Variants in SERPING1 observed in about 807,000 individuals in gnomAD.
The protein encoded by SERPING1 is plasma protease C1 inhibitor.
Under a neutral mutation model 34.1 loss-of-function variants are expected in SERPING1, and 5 were observed. The ratio of observed to expected loss-of-function variants is 0.15; its 90% confidence interval spans 0.08 to 0.31. The LOEUF is 0.31. Among genes scored for constraint, SERPING1 ranks in the 10% least tolerant of loss-of-function variants. The pLI, the probability that SERPING1 is intolerant of heterozygous loss-of-function variation, is 1.00. For synonymous variants in SERPING1, 225 were observed against 242.4 expected (o/e 0.93, Z 0.67); for missense variants, 505 against 609.5 (o/e 0.83, Z 1.81).
intron 4 of SERPING1, among the ~76,000 whole-genome samples, chr11:57,605,404 T>G (rs922028655): frequency 3.3e-5 from 5 of 152,020 alleles, no homozygotes; most frequent in African/African-American, 1.2e-4. Flanking sequence ...ATTCAAGTGA[T>G]TCTCCTGCCT....
At chr11:57,600,419 A>G (rs748204004) in intron 3 of SERPING1, 42 bp downstream of exon 3, 1 of 1,609,096 alleles carries the variant, frequency 6.2e-7, no homozygotes, top group Admixed American at 1.7e-5. Flanking sequence ...TTTGTTGGAC[A>G]CTCCCATAAG....
intron 4 of SERPING1, among the ~76,000 whole-genome samples, chr11:57,605,423 C>T (rs1181718251): frequency 1.3e-5 from 2 of 151,954 alleles, no homozygotes; most frequent in Non-Finnish European, 2.9e-5. Context: ...CTCAGCCTCC[C>T]GAATAGCTGG....
chr11:57,603,442 G>A (rs1945372947), intron 4 of SERPING1, among the ~76,000 whole-genome samples: 1 of 151,846 alleles, frequency 6.6e-6, no homozygotes, highest in African/African-American at 2.4e-5. Context: ...AGCTACTCAG[G>A]AGGCTGAGGC....
chr11:57,610,526 C>G (rs949547309), intron 6 of SERPING1, among the ~76,000 whole-genome samples: 2 of 152,240 alleles, frequency 1.3e-5, no homozygotes, highest in African/African-American at 4.8e-5. Context: ...CAGGTTCCGA[C>G]AATTGATTGC....
rs368219817 is a variant in SERPING1 at position 57,612,028 on chromosome 11, T to C, written c.1249+92T>C. On this transcript the variant is annotated intron_variant, in intron 7 of 7. Coordinates refer to ENST00000278407, the MANE Select transcript of SERPING1 (RefSeq NM_000062.3). ...AGTTAGCATTCTCTAGAGTATTTTT[T>C]ACATCCATAATCTCAGTTTGTCCTG... 4.6e-6 allele frequency: 5 copies of C among 1,085,036 alleles called. No homozygotes were observed. The African/African-American group carries it at 4.7e-5, about 10-fold the overall frequency. 67.2% of individuals were successfully genotyped at this position (1,085,036 alleles called of 1,614,324 possible).
rs1188764424 is a variant in SERPING1, at chr11:57,599,932, G to C, written c.105G>C (p.Glu35Asp). ...CCAGCTCCAGCTCCCAGGATCCAGA[G>C]AGTTTGCAAGACAGAGGCGAAGGGA... is the stretch of plus-strand genomic sequence containing the variant. Reference protein sequence around the residue: ...NATSSSSQDPESLQDRGEGKV... With the variant: ...NATSSSSQDPDSLQDRGEGKV... The change falls in exon 3 of 8, where the codon GAG becomes GAC. Residue 35 changes from glutamate to aspartate, a missense_variant. Coordinates refer to ENST00000278407, the MANE Select transcript of SERPING1 (RefSeq NM_000062.3). The C allele has an allele frequency of 6.2e-7, 1 of 1,614,054 alleles. No individual in the cohort carries two copies. Among genetic ancestry groups the C allele is most frequent in the Non-Finnish European group, 8.5e-7 (1 of 1,180,058 alleles).
At chr11:57,606,892 G>A (rs186625429) in intron 6 of SERPING1, 2 of 550,330 alleles carry the variant, frequency 3.6e-6, no homozygotes, top group Admixed American at 2.2e-5. Flanking sequence ...GTGTATGTGG[G>A]TACCTGTGTA....
At chr11:57,599,235 G>A (rs990496103) in intron 2 of SERPING1, among the ~76,000 whole-genome samples, 1 of 152,054 alleles carries the variant, frequency 6.6e-6, no homozygotes, top group Non-Finnish European at 1.5e-5. Context: ...ACTAGATTCC[G>A]GTAGCATCTT....
At chr11:57,605,955 A>G (rs1294390015) in intron 4 of SERPING1, 55 bp from the exon 5 acceptor site, 13 of 1,491,832 alleles carry the variant, frequency 8.7e-6, no homozygotes, top group Non-Finnish European at 1.1e-5. Context: ...AATCGTGCTC[A>G]TGGAAAGAAC....
intron 6 of SERPING1, 26 bp downstream of exon 6, chr11:57,606,573 T>C (rs753832769): frequency 1.2e-6 from 2 of 1,613,602 alleles, no homozygotes; most frequent in Non-Finnish European, 1.7e-6. Flanking sequence ...TTCCTTCTCC[T>C]GTTTGAAACC....
intron 4 of SERPING1, among the ~76,000 whole-genome samples, chr11:57,602,508 G>C (rs545551474): frequency 1.2e-4 from 18 of 151,946 alleles, no homozygotes; most frequent in Non-Finnish European, 1.9e-4. Flanking sequence ...TGTAATCCCA[G>C]CACTTTGGGA....
intron 7 of SERPING1, among the ~76,000 whole-genome samples, chr11:57,613,150 G>C (rs1945500010): frequency 1.3e-5 from 2 of 152,194 alleles, no homozygotes; most frequent in African/African-American, 4.8e-5. Flanking sequence ...TATGTCATCT[G>C]TATAGGAAGA....
At chr11:57,603,712 G>C (rs910352379) in intron 4 of SERPING1, among the ~76,000 whole-genome samples, 2 of 148,966 alleles carry the variant, frequency 1.3e-5, no homozygotes, top group South Asian at 4.3e-4. Context: ...GGTGGCAGGC[G>C]CCTGTGGTCC....
At chr11:57,600,494 T>C in intron 3 of SERPING1, 117 bp downstream of exon 3, 1 of 1,135,116 alleles carries the variant, frequency 8.8e-7, no homozygotes. Context: ...TGGGCTATTA[T>C]ATATTGGGGG....
chr11:57,605,948 C>T (rs1945403995), intron 4 of SERPING1, 62 bp from the exon 5 acceptor site: 4 of 1,420,362 alleles, frequency 2.8e-6, no homozygotes, highest in Admixed American at 3.4e-5. Flanking sequence ...ACTCTCAAAT[C>T]GTGCTCATGG....
In SERPING1 at chr11:57,611,886, G is replaced by T. The variant is rs773040870; in HGVS notation, c.1199G>T (p.Arg400Leu). The stretch of plus-strand genomic sequence containing the variant: ...CAGCCCACTCTCCTAACACTACCCC[G>T]CATCAAAGTGACGACCAGCCAGGAT... ...KFQPTLLTLPRIKVTTSQDML... is the reference protein window; with the variant it reads ...KFQPTLLTLPLIKVTTSQDML... Residue 400 changes from arginine to leucine, a missense_variant, in exon 7 of 8, where the codon CGC becomes CTC. Physicochemically the swap from Arg to Leu is moderately radical, Grantham distance 102. Transcript: ENST00000278407. 1 of 1,614,098 alleles carries T rather than the reference G, an allele frequency of 6.2e-7. No individual in the cohort carries two copies. Among genetic ancestry groups the T allele is most frequent in the Non-Finnish European group, 8.5e-7 (1 of 1,180,026 alleles).
intron 6 of SERPING1, 59 bp downstream of exon 6, chr11:57,606,606 T>A: frequency 6.3e-7 from 1 of 1,578,376 alleles, no homozygotes; most frequent in East Asian, 2.2e-5. Flanking sequence ...CTGACTTTTT[T>A]TCTGCTGTAG....
At chr11:57,597,984 C>G (rs949901935) in intron 1 of SERPING1, 4 of 505,740 alleles carry the variant, frequency 7.9e-6, no homozygotes, top group African/African-American at 7.8e-5. Context: ...CTCCCCCTCC[C>G]ACCACCTCCC....
chr11:57,600,233 C>T lies in SERPING1; in HGVS notation c.406C>T (p.His136Tyr). Reference protein sequence around the residue: ...PVTLCSDLESHSTEAVLGDAL... With the variant: ...PVTLCSDLESYSTEAVLGDAL... ...TACTCTCTGCTCTGACTTGGAGAGT[C>T]ATTCAACAGAGGCCGTGTTGGGGGA... Residue 136 changes from histidine to tyrosine, a missense_variant, in exon 3 of 8, where the codon CAT (histidine) becomes TAT (tyrosine). His to Tyr is a moderately conservative substitution (Grantham distance 83). Coordinates refer to ENST00000278407, the MANE Select transcript of SERPING1 (RefSeq NM_000062.3). The T allele has an allele frequency of 6.2e-7, 1 of 1,614,090 alleles. No individual in the cohort carries two copies. Among genetic ancestry groups the T allele is most frequent in the Non-Finnish European group, 8.5e-7 (1 of 1,180,024 alleles).
Sources: gnomAD v4.1 joint callset for allele counts (sites outside exome capture counted in the v4.1 genomes callset) on GRCh38, gnomAD v4.1.1 for gene constraint, MANE v1.5 for transcripts, NCBI Gene and HGNC (gene_info 2026-07-23, HGNC 2026-07-21) for gene names.